FGG: variants seen among roughly 807,000 people sequenced by gnomAD.
FGG encodes the protein fibrinogen gamma chain, also known as fibrinogen, gamma polypeptide.
In FGG, 20 loss-of-function variants were observed where a neutral mutation model predicts 51.7. The observed-to-expected ratio is 0.39, with a 90% CI of 0.27 to 0.56. The LOEUF is 0.56. FGG is among the 20% of genes least tolerant of loss of function. The pLI is 0.64. For synonymous variants in FGG, 184 were observed against 184.7 expected (o/e 1.00, Z 0.03); for missense variants, 460 against 534.2 (o/e 0.86, Z 1.37).
At chr4:154,609,335 ATC>A (rs778204866) in intron 6 of FGG, among the ~76,000 whole-genome samples, 2 of 152,146 alleles carry the variant, frequency 1.3e-5, no homozygotes, top group Non-Finnish European at 2.9e-5. Flanking sequence ...GCCACCATGA[ATC>A]TACAAAGTCA....
chr4:154,604,622 T>C lies in FGG; in HGVS notation c.*212A>G. On this transcript the variant is annotated 3_prime_UTR_variant, in exon 9 of 9. Transcript: ENST00000336098. ...TATTATTATATATTTAGGAACAAAGTTGAAATGTTATCTCCTCAAATAAAC... is the reference window on the plus strand; with the variant it reads ...TATTATTATATATTTAGGAACAAAGCTGAAATGTTATCTCCTCAAATAAAC... 9 of 1,301,086 alleles carry C rather than the reference T, an allele frequency of 6.9e-6. No individual in the cohort carries two copies. Among genetic ancestry groups the C allele is most frequent in the African/African-American group, 1.5e-5 (1 of 66,714 alleles). 80.6% of individuals were successfully genotyped at this position (1,301,086 alleles called of 1,614,324 possible).
In FGG at chr4:154,605,010, C is replaced by T; in HGVS notation, c.1186G>A (p.Ala396Thr). 1.2e-6 allele frequency: 2 copies of T among 1,613,962 alleles called. No homozygotes were observed. Among genetic ancestry groups the T allele is most frequent in the Non-Finnish European group, 1.7e-6 (2 of 1,179,966 alleles). Residue 396 changes from alanine (A) to threonine (T), a missense_variant, in exon 9 of 9, where the codon GCC becomes ACC. This residue lies in a region of FGG where 92 missense variants were observed against 93.7 expected (regional missense o/e 0.98). Transcript: ENST00000336098. ...PNGYDNGIIW[A>T]TWKTRWYSMK... ...GAATACCACCGGGTTTTCCAAGTGGCCCAAATAATGCCATTATCATAACCA... is the reference window on the plus strand; with the variant it reads ...GAATACCACCGGGTTTTCCAAGTGGTCCAAATAATGCCATTATCATAACCA...
chr4:154,611,821 G>A lies in FGG; in HGVS notation c.385C>T (p.His129Tyr), dbSNP rs1731217130. 1 of 1,609,234 alleles carries A rather than the reference G, an allele frequency of 6.2e-7. No homozygotes were observed. The highest frequency in any genetic ancestry group is 8.5e-7 in the Non-Finnish European group (1 of 1,177,218). Residue 129 changes from histidine (H) to tyrosine (Y), a missense_variant, in exon 4 of 9, where the codon CAT (histidine) becomes TAT (tyrosine). His to Tyr is a moderately conservative substitution (Grantham distance 83). Around this residue, in one of 3 missense-constraint regions of FGG, gnomAD observed 353 missense variants for 391.7 expected, o/e 0.90. Transcript: ENST00000336098. The stretch of plus-strand genomic sequence containing the variant: ...AATCCTTACCGAATACTTGAGTCAT[G>A]TGTTAAAATCGATGCTTCATATTTC... ...IMKYEASILT[H>Y]DSSIRYLQEI...
chr4:154,611,940 A>G lies in FGG; in HGVS notation c.308-42T>C, dbSNP rs765452922. ...GAGACATAAAAATCCTTAAGCAAAT[A>G]GAACAACTAAAACAACAGCAAAAGA... On this transcript the variant is annotated intron_variant, in intron 3 of 8. Coordinates refer to ENST00000336098, the MANE Select transcript of FGG (RefSeq NM_021870.3). The G allele has an allele frequency of 6.2e-6, 10 of 1,604,128 alleles. No homozygotes were observed. In the South Asian group the frequency reaches 9.9e-5, roughly 16 times the overall value.
At chr4:154,612,363 C>T in intron 2 of FGG, 28 bp downstream of exon 2, 1 of 1,611,666 alleles carries the variant, frequency 6.2e-7, no homozygotes, top group Non-Finnish European at 8.5e-7. Flanking sequence ...AGTTCACACA[C>T]AAAGGGAGAA....
chr4:154,608,101 A>T (rs944403738), intron 7 of FGG, among the ~76,000 whole-genome samples: 3 of 152,190 alleles, frequency 2.0e-5, no homozygotes, highest in African/African-American at 7.2e-5. Flanking sequence ...CAGCAATGTG[A>T]CTTTGAGCAA....
At chr4:154,605,401 T>C (rs1731079911) in intron 8 of FGG, among the ~76,000 whole-genome samples, 1 of 152,204 alleles carries the variant, frequency 6.6e-6, no homozygotes, top group Admixed American at 6.5e-5. Flanking sequence ...TTCAGGCAGG[T>C]TAGAAGAGAA....
Position 154,604,995 on chromosome 4 carries a change from G to A in FGG, c.1201C>T (p.Arg401Trp), listed in dbSNP as rs75848804. The A allele has an allele frequency of 1.2e-6, 2 of 1,613,962 alleles. No homozygotes were observed. The highest frequency in any genetic ancestry group is 1.1e-5 in the South Asian group (1 of 91,078). The change falls in exon 9 of 9, where the codon CGG becomes TGG. Residue 401 changes from arginine (R) to tryptophan (W), a missense_variant. Transcript: ENST00000336098. ...GTGGTTTTCTTCATGGAATACCACC[G>A]GGTTTTCCAAGTGGCCCAAATAATG... ...NGIIWATWKT[R>W]WYSMKKTTMK...
At position 154,609,769 on chromosome 4, in the gene FGG, G is replaced by A; in HGVS notation, c.533-6C>T. 3 of 1,614,022 alleles carry A rather than the reference G, an allele frequency of 1.9e-6. No homozygotes were observed. The highest frequency in any genetic ancestry group is 2.5e-6 in the Non-Finnish European group (3 of 1,179,924). On this transcript the variant is annotated splice_polypyrimidine_tract_variant and splice_region_variant and intron_variant, in intron 5 of 8. Coordinates refer to ENST00000336098, the MANE Select transcript of FGG (RefSeq NM_021870.3). ...ATTGGCAATGTCTTGACAATCTAGA[G>A]AAGGAGAATCGACTTTTACTGTGGT...
In FGG at chr4:154,604,923, G is replaced by T. The variant is rs1036477853; in HGVS notation, c.1273C>A (p.Gln425Lys). The part of the protein sequence containing the change: ...FNRLTIGEGQ[Q>K]HHLGGAKQVR... ...TGTTTGGCTCCCCCCAGGTGGTGTT[G>T]CTGTCCTTCTCCAATTGTGAGTCTG... Residue 425 changes from glutamine (Q) to lysine (K), a missense_variant, in exon 9 of 9, where the codon CAA (glutamine) becomes AAA (lysine). By Grantham distance (53) the Gln-to-Lys change is moderately conservative. Coordinates refer to ENST00000336098, the MANE Select transcript of FGG (RefSeq NM_021870.3). 7.4e-6 allele frequency: 12 copies of T among 1,613,980 alleles called. No individual in the cohort carries two copies. Among genetic ancestry groups the T allele is most frequent in the African/African-American group, 5.3e-5 (4 of 74,904 alleles).
At position 154,606,811 on chromosome 4, in the gene FGG, C is replaced by G. The variant is rs1484908891; in HGVS notation, c.1023G>C (p.Trp341Cys). ...CTTCAAACTTATCATTGTCATTGTC[C>G]CAGGTACTGAACTGCATGCCATTAT... Reference protein sequence around the residue: ...TSHNGMQFSTWDNDNDKFEGN... With the variant: ...TSHNGMQFSTCDNDNDKFEGN... The change falls in exon 8 of 9, where the codon TGG becomes TGC. Residue 341 changes from tryptophan to cysteine, a missense_variant. Physicochemically the swap from Trp to Cys is radical, Grantham distance 215. Transcript: ENST00000336098. 1 of 1,613,824 alleles carries G rather than the reference C, an allele frequency of 6.2e-7. No homozygotes were observed. The highest frequency in any genetic ancestry group is 1.3e-5 in the African/African-American group (1 of 74,872).
Position 154,604,466 on chromosome 4 carries a change from G to A in FGG, c.*368C>T, listed in dbSNP as rs1369841437. Reference sequence around the variant, plus strand: ...GGGTAATAAACAAGGAAAATACCTGGGAATTTGAAACTCTAAAATGTTCTC... The same window carrying A: ...GGGTAATAAACAAGGAAAATACCTGAGAATTTGAAACTCTAAAATGTTCTC... On this transcript the variant is annotated 3_prime_UTR_variant, in exon 9 of 9. Coordinates refer to ENST00000336098, the MANE Select transcript of FGG (RefSeq NM_021870.3). 5 of 1,119,740 alleles carry A rather than the reference G, an allele frequency of 4.5e-6. No homozygotes were observed. The highest frequency in any genetic ancestry group is 3.6e-5 in the South Asian group (2 of 54,960). 69.4% of individuals were successfully genotyped at this position (1,119,740 alleles called of 1,614,324 possible).
intron 4 of FGG, among the ~76,000 whole-genome samples, chr4:154,610,470 A>G (rs1272119838): frequency 6.6e-6 from 1 of 152,210 alleles, no homozygotes; most frequent in Admixed American, 6.5e-5. Flanking sequence ...AGAATGGGGC[A>G]TATTGTCTCA....
Position 154,612,067 on chromosome 4 carries a change from C to A in FGG, c.258G>T (p.Leu86=). 6.2e-7 allele frequency: 1 copy of A among 1,612,972 alleles called. No individual in the cohort carries two copies. Residue 86 remains leucine (L), a synonymous_variant, in exon 3 of 9, where the codon CTG becomes CTT. Transcript: ENST00000336098. ...TATAAGTGAGTTGGATTGCTTTTATCAGCTGTTTGACTTCTGATGTTTTGT... is the reference window on the plus strand; with the variant it reads ...TATAAGTGAGTTGGATTGCTTTTATAAGCTGTTTGACTTCTGATGTTTTGT... The part of the protein sequence containing the change: ...VENKTSEVKQ[L]IKAIQLTYNP...
At position 154,604,500 on chromosome 4, in the gene FGG, T is replaced by TG. The variant is rs1274676749; in HGVS notation, c.*333_*334insC. ...AACTCTAAAATGTTCTCCTATTTTA[T>TG]TAAGTACATACTAAAATATTTGATA... On this transcript the variant is annotated 3_prime_UTR_variant, in exon 9 of 9. Coordinates refer to ENST00000336098, the MANE Select transcript of FGG (RefSeq NM_021870.3). The TG allele has an allele frequency of 1.6e-5, 18 of 1,091,422 alleles. No homozygotes were observed. The Admixed American group carries it at 2.1e-4, about 13-fold the overall frequency. 67.6% of individuals were successfully genotyped at this position (1,091,422 alleles called of 1,614,324 possible). A position where few individuals can be genotyped will look rare whatever the true frequency, so the allele number is the denominator to read the frequency against.
rs773049609 is a variant in FGG, at chr4:154,604,912, C to G, written c.1284G>C (p.Leu428=). 11 of 1,614,000 alleles carry G rather than the reference C, an allele frequency of 6.8e-6. No homozygotes were observed. Among genetic ancestry groups the G allele is most frequent in the East Asian group, 4.5e-5 (2 of 44,900 alleles). Residue 428 remains leucine, a synonymous_variant, in exon 9 of 9, where the codon CTG becomes CTC. Coordinates refer to ENST00000336098, the MANE Select transcript of FGG (RefSeq NM_021870.3). ...CTGGTCTGACCTGTTTGGCTCCCCC[C>G]AGGTGGTGTTGCTGTCCTTCTCCAA... is the stretch of plus-strand genomic sequence containing the variant. The part of the protein sequence containing the change: ...LTIGEGQQHH[L]GGAKQVRPEH...
In FGG at chr4:154,608,518, C is replaced by G; in HGVS notation, c.799G>C (p.Ala267Pro). ...TCCACTCTTAATGCATATGGGATGG[C>G]AGACTGTGTGCTTATCAAATGAATC... ...EKIHLISTQS[A>P]IPYALRVELE... The change falls in exon 7 of 9, where the codon GCC (alanine) becomes CCC (proline). Residue 267 changes from alanine (A) to proline (P), a missense_variant. Physicochemically the swap from Ala to Pro is conservative, Grantham distance 27. Coordinates refer to ENST00000336098, the MANE Select transcript of FGG (RefSeq NM_021870.3). 6.2e-7 allele frequency: 1 copy of G among 1,613,736 alleles called. No homozygotes were observed. Among genetic ancestry groups the G allele is most frequent in the African/African-American group, 1.3e-5 (1 of 75,012 alleles).
At chr4:154,609,819 A>G (rs965513368) in intron 5 of FGG, 56 bp from the exon 6 acceptor site, 6 of 1,613,010 alleles carry the variant, frequency 3.7e-6, no homozygotes, top group South Asian at 3.3e-5. Flanking sequence ...AGACTGTGCC[A>G]GCCTTGAAAA....
Position 154,604,667 on chromosome 4 carries a change from T to A in FGG, c.*167A>T. ...ATAAACAATTTTTAAATAACTCTGA[T>A]ATCAGTAATTTGGAAATACAGTCCT... On this transcript the variant is annotated 3_prime_UTR_variant, in exon 9 of 9. Transcript: ENST00000336098. 1 of 1,415,702 alleles carries A rather than the reference T, an allele frequency of 7.1e-7. No individual in the cohort carries two copies. Among genetic ancestry groups the A allele is most frequent in the Non-Finnish European group, 9.2e-7 (1 of 1,083,422 alleles). 87.7% of individuals were successfully genotyped at this position (1,415,702 alleles called of 1,614,324 possible).
Sources: allele counts gnomAD v4.1 joint callset (sites outside exome capture counted in the v4.1 genomes callset), GRCh38; gene constraint gnomAD v4.1.1; regional missense constraint gnomAD v4.1.1; transcripts MANE v1.5; gene names NCBI Gene and HGNC (gene_info 2026-07-23, HGNC 2026-07-21).